UNC5D: variants seen among roughly 807,000 people sequenced by gnomAD.
The protein encoded by UNC5D is netrin receptor UNC5D.
A neutral mutation model predicts 105.4 loss-of-function variants in UNC5D; 39 were observed. That is an observed-to-expected ratio of 0.37 (90% CI 0.29 to 0.48). The LOEUF (loss-of-function observed/expected upper bound fraction) is 0.48. Among genes scored for constraint, UNC5D ranks in the 20% least tolerant of loss-of-function variants. The pLI, the probability that UNC5D is intolerant of heterozygous loss-of-function variation, is 0.98. For missense variants in UNC5D, 991 were observed against 1,202.4 expected (o/e 0.82, Z 2.60); for synonymous variants, 452 against 450.4 (o/e 1.00, Z -0.04).
intron 4 of UNC5D, among the ~76,000 whole-genome samples, chr8:35,681,296 G>A (rs1325387326): frequency 8.5e-5 from 13 of 152,048 alleles, no homozygotes. Flanking sequence ...TTGAGACAAT[G>A]TGACTCTCAA....
intron 4 of UNC5D, among the ~76,000 whole-genome samples, chr8:35,624,909 A>AAG (rs1821611616): frequency 6.6e-6 from 1 of 152,198 alleles, no homozygotes; most frequent in South Asian, 2.1e-4. Context: ...TAATTCTTTA[A>AAG]AATAGGGCCT....
At chr8:35,674,456 T>C (rs1194576668) in intron 4 of UNC5D, among the ~76,000 whole-genome samples, 1 of 152,088 alleles carries the variant, frequency 6.6e-6, no homozygotes, top group Non-Finnish European at 1.5e-5. Flanking sequence ...ACATCTGTGT[T>C]TCTTTGTCTA....
At chr8:35,426,231 T>A (rs1246418520) in intron 1 of UNC5D, among the ~76,000 whole-genome samples, 1 of 152,110 alleles carries the variant, frequency 6.6e-6, no homozygotes, top group African/African-American at 2.4e-5. Flanking sequence ...AGTAATTGAG[T>A]TCTTTCAACT....
chr8:35,569,192 T>C (rs1210797525), intron 3 of UNC5D, among the ~76,000 whole-genome samples: 1 of 152,138 alleles, frequency 6.6e-6, no homozygotes, highest in African/African-American at 2.4e-5. Context: ...ATACACAAAC[T>C]TTTTTTCTCC....
chr8:35,358,479 C>T (rs1801679889), intron 1 of UNC5D, among the ~76,000 whole-genome samples: 1 of 152,034 alleles, frequency 6.6e-6, no homozygotes, highest in African/African-American at 2.4e-5. Context: ...CATACTGAGG[C>T]CTGTTTAGTG....
chr8:35,641,389 A>AAAAAAAAAAAAAAAAAAGAAG, intron 4 of UNC5D, among the ~76,000 whole-genome samples: 1 of 151,146 alleles, frequency 6.6e-6, no homozygotes, highest in Non-Finnish European at 1.5e-5. Context: ...AAAAAAAGAA[A>AAAAAAAAAAAAAAAAAAGAAG]AAAAAAAACA....
At chr8:35,602,569 T>G (rs2130933511) in intron 4 of UNC5D, among the ~76,000 whole-genome samples, 1 of 152,348 alleles carries the variant, frequency 6.6e-6, no homozygotes, top group South Asian at 2.1e-4. Flanking sequence ...TCTTCTAGAT[T>G]TTCTAGTTTA....
At chr8:35,648,217 C>G (rs1476270263) in intron 4 of UNC5D, among the ~76,000 whole-genome samples, 1 of 152,154 alleles carries the variant, frequency 6.6e-6, no homozygotes, top group Admixed American at 6.6e-5. Flanking sequence ...TCCCATTATA[C>G]TTATCTTTCT....
intron 4 of UNC5D, among the ~76,000 whole-genome samples, chr8:35,647,528 T>C (rs913333015): frequency 2.3e-4 from 35 of 152,168 alleles, no homozygotes; most frequent in African/African-American, 8.2e-4. Context: ...ATAGTCTTCA[T>C]GTTAGGGAAT....
chr8:35,743,223 A>G (rs1829848574), intron 11 of UNC5D, among the ~76,000 whole-genome samples: 1 of 152,124 alleles, frequency 6.6e-6, no homozygotes, highest in Admixed American at 6.6e-5. Context: ...AGAATTCTGG[A>G]AAAATTCTCC....
rs7821912 is a variant in UNC5D at position 35,350,843 on chromosome 8, T to C, written c.103+114956T>C. ...ATTTCCAATCTGTGCACTCTCTTCTTTCATGGCCATCAAGTGCTTGCAGAT... is the reference window on the plus strand; with the variant it reads ...ATTTCCAATCTGTGCACTCTCTTCTCTCATGGCCATCAAGTGCTTGCAGAT... On this transcript the variant is annotated intron_variant, in intron 1 of 16. Coordinates refer to ENST00000404895, the MANE Select transcript of UNC5D (RefSeq NM_080872.4). Among the ~76,000 whole-genome samples the C allele has an allele frequency of 9.2e-3, 1,397 of 152,166 alleles. 29 individuals carry two copies. Among genetic ancestry groups the C allele is most frequent in the African/African-American group, 0.033 (1,365 of 41,548 alleles).
chr8:35,424,041 C>T (rs1806089003), intron 1 of UNC5D, among the ~76,000 whole-genome samples: 1 of 152,042 alleles, frequency 6.6e-6, no homozygotes, highest in Non-Finnish European at 1.5e-5. Flanking sequence ...TTCAAGCCAT[C>T]CTCCCACCTT....
At position 35,683,654 on chromosome 8, in the gene UNC5D, A is replaced by G. The variant is rs767861510; in HGVS notation, c.678A>G (p.Ser226=). The change falls in exon 5 of 17, where the codon TCA becomes TCG. Residue 226 remains serine, a synonymous_variant. Coordinates refer to ENST00000404895, the MANE Select transcript of UNC5D (RefSeq NM_080872.4). ...TCAGGCAGGCACGGCTCTCGGACTCAGGAAATTACACCTGCATGGCAGCCA... is the reference window on the plus strand; with the variant it reads ...TCAGGCAGGCACGGCTCTCGGACTCGGGAAATTACACCTGCATGGCAGCCA... ...LIIRQARLSD[S]GNYTCMAANI... is the part of the protein sequence containing the mutation. The G allele has an allele frequency of 1.9e-6, 3 of 1,577,242 alleles. No individual in the cohort carries two copies. The highest frequency in any genetic ancestry group is 2.6e-6 in the Non-Finnish European group (3 of 1,167,564).
rs184481562 is a variant in UNC5D, at chr8:35,792,816, A to G, written c.*2253A>G. On this transcript the variant is annotated 3_prime_UTR_variant, in exon 17 of 17. Coordinates refer to ENST00000404895, the MANE Select transcript of UNC5D (RefSeq NM_080872.4). ...ATTGTTTCATCTACTCTGTGAATCTACATAGGTCTTTTTTTTTAGATGTTT... is the reference window on the plus strand; with the variant it reads ...ATTGTTTCATCTACTCTGTGAATCTGCATAGGTCTTTTTTTTTAGATGTTT... 68 of 338,954 alleles carry G rather than the reference A, an allele frequency of 2.0e-4. No homozygotes were observed. Among genetic ancestry groups the G allele is most frequent in the African/African-American group, 1.3e-3 (62 of 46,044 alleles). 21.0% of individuals were successfully genotyped at this position (338,954 alleles called of 1,614,324 possible).
At chr8:35,304,109 G>A (rs2128872850) in intron 1 of UNC5D, among the ~76,000 whole-genome samples, 1 of 152,086 alleles carries the variant, frequency 6.6e-6, no homozygotes, top group Admixed American at 6.6e-5. Flanking sequence ...AAATTGCCCT[G>A]GACTTGGTTT....
chr8:35,718,049 C>A (rs543815976), intron 8 of UNC5D, among the ~76,000 whole-genome samples: 1 of 151,862 alleles, frequency 6.6e-6, no homozygotes, highest in South Asian at 2.1e-4. Flanking sequence ...ATTTGGAATA[C>A]AAGAGATTTC....
intron 1 of UNC5D, among the ~76,000 whole-genome samples, chr8:35,257,271 G>T (rs920190014): frequency 6.6e-6 from 1 of 152,034 alleles, no homozygotes; most frequent in African/African-American, 2.4e-5. Context: ...GCCCAGCCTG[G>T]CTATCTCTTA....
chr8:35,300,288 A>G (rs1245785241), intron 1 of UNC5D, among the ~76,000 whole-genome samples: 2 of 151,920 alleles, frequency 1.3e-5, no homozygotes, highest in Admixed American at 6.6e-5. Flanking sequence ...TCTCTACTAA[A>G]AATACAAAAA....
At chr8:35,255,173 C>T (rs1225082756) in intron 1 of UNC5D, 1 of 152,212 alleles carries the variant, frequency 6.6e-6, no homozygotes, top group East Asian at 1.9e-4. Flanking sequence ...TAAACTAACA[C>T]TCTAGCGTTG....
Sources: gnomAD v4.1 joint callset for allele counts (sites outside exome capture counted in the v4.1 genomes callset) on GRCh38, gnomAD v4.1.1 for gene constraint, MANE v1.5 for transcripts, NCBI Gene and HGNC (gene_info 2026-07-23, HGNC 2026-07-21) for gene names.